The following BRINP1 variants were observed in gnomAD, a reference collection of about 807,000 sequenced individuals.
BRINP1 encodes the protein BMP/retinoic acid-inducible neural-specific protein 1.
BRINP1 carries 17 observed loss-of-function variants against 72.9 expected under a neutral mutation model. The ratio of observed to expected loss-of-function variants is 0.23; its 90% CI spans 0.16 to 0.35. The LOEUF (loss-of-function observed/expected upper bound fraction) is 0.35. BRINP1 is among the 10% of genes least tolerant of loss of function. The pLI is 1.00. For missense variants in BRINP1, 850 were observed against 1,001.6 expected, an observed-to-expected ratio of 0.85 and a Z score of 2.04; for synonymous variants, 418 against 378.5, an observed-to-expected ratio of 1.10 and a Z score of -1.21.
intron 1 of BRINP1, among the ~76,000 whole-genome samples, chr9:119,344,562 G>A (rs558476511): frequency 6.6e-5 from 10 of 152,302 alleles, no homozygotes; most frequent in Non-Finnish European, 1.2e-4. Flanking sequence ...TCTAGTACAA[G>A]GAACAGCCCT....
intron 2 of BRINP1, chr9:119,283,308 C>A (rs1387512469): frequency 2.3e-6 from 1 of 442,898 alleles, no homozygotes; most frequent in Non-Finnish European, 3.0e-6. Flanking sequence ...CCCAGACAGA[C>A]CCAGTGACTC....
intron 2 of BRINP1, among the ~76,000 whole-genome samples, chr9:119,284,650 GACCAATT>G (rs567016623): frequency 4.7e-4 from 72 of 152,216 alleles, no homozygotes; most frequent in African/African-American, 1.7e-3. Flanking sequence ...TGAAAATGGG[GACCAATT>G]TCCATTTTTT....
At chr9:119,223,443 T>C (rs911325622) in intron 5 of BRINP1, among the ~76,000 whole-genome samples, 2 of 152,092 alleles carry the variant, frequency 1.3e-5, no homozygotes, top group African/African-American at 4.8e-5. Flanking sequence ...TCCAGAAGTC[T>C]TATGTGGTCT....
chr9:119,173,674 G>T (rs922406997), intron 7 of BRINP1, among the ~76,000 whole-genome samples: 3 of 143,964 alleles, frequency 2.1e-5, no homozygotes, highest in Non-Finnish European at 3.0e-5. Context: ...AAAAGAGCCC[G>T]CATCGCCAAG....
chr9:119,220,692 C>CA (rs1311973942), intron 5 of BRINP1, among the ~76,000 whole-genome samples: 1 of 152,098 alleles, frequency 6.6e-6, no homozygotes, highest in African/African-American at 2.4e-5. Context: ...TTGTGTCTGG[C>CA]ACATAGTAGG....
At chr9:119,318,229 CACAA>C (rs1325807885) in intron 1 of BRINP1, among the ~76,000 whole-genome samples, 1 of 152,152 alleles carries the variant, frequency 6.6e-6, no homozygotes, top group African/African-American at 2.4e-5. Flanking sequence ...GTGGTGAGGA[CACAA>C]ACAATTTGTC....
intron 2 of BRINP1, among the ~76,000 whole-genome samples, chr9:119,308,022 A>G (rs751138404): frequency 2.6e-5 from 4 of 152,190 alleles, no homozygotes; most frequent in South Asian, 2.1e-4. Flanking sequence ...ACTGCACAGG[A>G]TTATTGTAAG....
intron 6 of BRINP1, 87 bp from the exon 7 acceptor site, chr9:119,209,028 A>G (rs1259285162): frequency 7.4e-6 from 8 of 1,080,222 alleles, no homozygotes; most frequent in East Asian, 2.4e-5. Flanking sequence ...TCACTTTCCA[A>G]TAAACCAGGC....
intron 2 of BRINP1, among the ~76,000 whole-genome samples, chr9:119,297,563 T>C (rs1028933315): frequency 6.6e-6 from 1 of 152,264 alleles, no homozygotes; most frequent in African/African-American, 2.4e-5. Flanking sequence ...AATAGAGCTA[T>C]ATAAGCTTTA....
At chr9:119,194,290 A>G (rs1829710872) in intron 7 of BRINP1, among the ~76,000 whole-genome samples, 1 of 152,178 alleles carries the variant, frequency 6.6e-6, no homozygotes, top group Non-Finnish European at 1.5e-5. Context: ...TCAGAACAGT[A>G]TATGTTATGA....
intron 5 of BRINP1, among the ~76,000 whole-genome samples, chr9:119,230,317 G>A (rs895460652): frequency 2.6e-5 from 4 of 152,018 alleles, no homozygotes; most frequent in African/African-American, 9.7e-5. Context: ...AAACTTTCAC[G>A]GAGGCTGTGA....
intron 1 of BRINP1, among the ~76,000 whole-genome samples, chr9:119,344,901 C>G (rs1301888534): frequency 1.3e-5 from 2 of 152,182 alleles, no homozygotes; most frequent in African/African-American, 2.4e-5. Flanking sequence ...GACTTCTTGC[C>G]CTGTTCCCAA....
chr9:119,217,180 C>T (rs935331548), intron 5 of BRINP1, among the ~76,000 whole-genome samples: 33 of 152,086 alleles, frequency 2.2e-4, no homozygotes, highest in African/African-American at 7.2e-4. Context: ...CCTACATGGG[C>T]GCCTGAATCC....
chr9:119,227,840 C>T (rs1056027454), intron 5 of BRINP1, among the ~76,000 whole-genome samples: 1 of 151,876 alleles, frequency 6.6e-6, no homozygotes, highest in African/African-American at 2.4e-5. Context: ...CCTCTTTGAG[C>T]CTCAATTTCT....
intron 7 of BRINP1, among the ~76,000 whole-genome samples, chr9:119,207,201 C>T (rs557373639): frequency 8.5e-5 from 13 of 152,122 alleles, no homozygotes; most frequent in Middle Eastern, 3.4e-3. Context: ...TTAGCTCTGA[C>T]GCAAGAAAAA....
intron 2 of BRINP1, among the ~76,000 whole-genome samples, chr9:119,250,104 AGGAAGGAGGGAGGGAG>A (rs1210116554): frequency 4.8e-5 from 3 of 62,570 alleles, no homozygotes; most frequent in East Asian, 4.1e-4. Flanking sequence ...AAGGAAGAAA[AGGAAGGAGGGAGGGAG>A]GGAAGGAGGG....
chr9:119,304,352 A>G (rs1830973035), intron 2 of BRINP1, among the ~76,000 whole-genome samples: 1 of 152,192 alleles, frequency 6.6e-6, no homozygotes, highest in Non-Finnish European at 1.5e-5. Context: ...GAGTCTAAAG[A>G]CTTGCTAACC....
chr9:119,187,684 G>C (rs1477465236), intron 7 of BRINP1, among the ~76,000 whole-genome samples: 2 of 152,000 alleles, frequency 1.3e-5, no homozygotes, highest in Non-Finnish European at 2.9e-5. Flanking sequence ...ACCACCAAAA[G>C]AACAAAATAA....
intron 2 of BRINP1, among the ~76,000 whole-genome samples, chr9:119,311,237 A>AG (rs1294203374): frequency 6.6e-6 from 1 of 152,222 alleles, no homozygotes. Context: ...ATTAAATAAA[A>AG]GAAGGAAGGA....
Sources: gnomAD v4.1 joint callset for allele counts (sites outside exome capture counted in the v4.1 genomes callset) on GRCh38, gnomAD v4.1.1 for gene constraint, MANE v1.5 for transcripts, NCBI Gene and HGNC (gene_info 2026-07-23, HGNC 2026-07-21) for gene names.